The following CPT1A variants were observed in gnomAD, a reference collection of about 807,000 sequenced individuals.
CPT1A encodes carnitine palmitoyltransferase 1A, also known as carnitine O-palmitoyltransferase 1, liver isoform.
Under a neutral mutation model 100.8 loss-of-function variants are expected in CPT1A, and 64 were observed. That is an observed-to-expected ratio of 0.63 (90% CI 0.52 to 0.78). CPT1A has a LOEUF of 0.78. Ranked by LOEUF, CPT1A falls within the 30% of genes least tolerant of loss-of-function variation. The probability of loss-of-function intolerance (pLI) is 0.00; values close to 1 mark genes in which losing one functional copy is unlikely to be tolerated. For synonymous variants in CPT1A, 363 were observed against 396.0 expected (o/e 0.92, Z 0.99); for missense variants, 802 against 1,034.1 (o/e 0.78, Z 3.08).
At chr11:68,800,293 T>C (rs145043747) in intron 5 of CPT1A, among the ~76,000 whole-genome samples, 1 of 152,050 alleles carries the variant, frequency 6.6e-6, no homozygotes, top group Non-Finnish European at 1.5e-5. Flanking sequence ...CAGAGAGCAA[T>C]TGTTTAAAAA....
At chr11:68,770,187 C>G (rs568693889) in intron 14 of CPT1A, among the ~76,000 whole-genome samples, 1 of 152,224 alleles carries the variant, frequency 6.6e-6, no homozygotes, top group South Asian at 2.1e-4. Context: ...GCTCCTCGGC[C>G]TTCTTCCCAG....
At chr11:68,806,901 G>A (rs1188796735) in intron 4 of CPT1A, among the ~76,000 whole-genome samples, 7 of 152,050 alleles carry the variant, frequency 4.6e-5, no homozygotes, top group African/African-American at 1.7e-4. Context: ...CTGCACTCCA[G>A]TCTGGGCAAC....
chr11:68,829,744 G>T (rs943566210), intron 1 of CPT1A, among the ~76,000 whole-genome samples: 2 of 152,136 alleles, frequency 1.3e-5, no homozygotes, highest in African/African-American at 4.8e-5. Context: ...CTTGGGTGCT[G>T]TTCCTGAGCT....
intron 1 of CPT1A, among the ~76,000 whole-genome samples, chr11:68,830,667 G>A (rs186476262): frequency 2.9e-4 from 44 of 152,064 alleles, no homozygotes; most frequent in African/African-American, 9.4e-4. Context: ...CTGCCCCTCC[G>A]CCAGGCCCAC....
chr11:68,806,804 C>G (rs902444237), intron 4 of CPT1A, among the ~76,000 whole-genome samples: 3 of 152,076 alleles, frequency 2.0e-5, no homozygotes, highest in Non-Finnish European at 2.9e-5. Flanking sequence ...TGGTGCATGC[C>G]TGTAATCCCA....
At chr11:68,804,833 T>G (rs3019582) in intron 4 of CPT1A, among the ~76,000 whole-genome samples, 140,015 of 152,300 alleles carry the variant, frequency 0.92, 64,922 homozygotes, top group Non-Finnish European at 0.98. Flanking sequence ...GGGAAGCAGT[T>G]TCTTTCCTTC....
chr11:68,813,645 C>T (rs1039833127), intron 2 of CPT1A, among the ~76,000 whole-genome samples: 13 of 149,076 alleles, frequency 8.7e-5, no homozygotes, highest in Admixed American at 5.4e-4. Context: ...TACAGTGAGC[C>T]GTGATCGCAC....
At chr11:68,759,078 T>C (rs1222146865) in intron 18 of CPT1A, among the ~76,000 whole-genome samples, 1 of 151,978 alleles carries the variant, frequency 6.6e-6, no homozygotes, top group Non-Finnish European at 1.5e-5. Flanking sequence ...GGAGACCCTG[T>C]CTGTACAAAC....
chr11:68,812,253 A>G (rs927288742), intron 3 of CPT1A, among the ~76,000 whole-genome samples, 184 bp downstream of exon 3: 1 of 152,190 alleles, frequency 6.6e-6, no homozygotes, highest in African/African-American at 2.4e-5. Context: ...GCCGCAGGGG[A>G]CCGCAAACTC....
rs530805820 is a variant in CPT1A at position 68,807,649 on chromosome 11, A to G, written c.282-11T>C. 1.1e-4 allele frequency: 172 copies of G among 1,613,774 alleles called. 1 individual carries two copies. The South Asian group carries it at 1.7e-3, about 16-fold the overall frequency. Reference sequence around the variant, plus strand: ...CTGGACATGCAGTTGCTGTGGAGACAGACCCAGACAAGGGAGGCTGTGCGT... The same window carrying G: ...CTGGACATGCAGTTGCTGTGGAGACGGACCCAGACAAGGGAGGCTGTGCGT... On this transcript the variant is annotated splice_polypyrimidine_tract_variant and intron_variant, in intron 3 of 18. Coordinates refer to ENST00000265641, the MANE Select transcript of CPT1A (RefSeq NM_001876.4).
intron 5 of CPT1A, among the ~76,000 whole-genome samples, chr11:68,803,044 C>T (rs545253867): frequency 5.9e-5 from 9 of 152,328 alleles, no homozygotes; most frequent in South Asian, 2.1e-4. Context: ...GTCCTCAGAC[C>T]GGCTAGAAGC....
intron 8 of CPT1A, 112 bp downstream of exon 8, chr11:68,794,692 T>G (rs1855709180): frequency 1.1e-6 from 1 of 947,574 alleles, no homozygotes; most frequent in Non-Finnish European, 1.7e-6. Context: ...ATTACAGGCG[T>G]GAGACCCTGT....
At chr11:68,830,929 T>C (rs1856859689) in intron 1 of CPT1A, among the ~76,000 whole-genome samples, 1 of 152,224 alleles carries the variant, frequency 6.6e-6, no homozygotes, top group Non-Finnish European at 1.5e-5. Context: ...CATGAATCCT[T>C]GTGTCATCCG....
chr11:68,836,850 G>GGGAAGGAAGGAAGGAA (rs150561761), intron 1 of CPT1A, among the ~76,000 whole-genome samples: 191 of 150,744 alleles, frequency 1.3e-3, no homozygotes, highest in African/African-American at 4.5e-3. Flanking sequence ...AGAAAAGAAA[G>GGGAAGGAAGGAAGGAA]GGAAGGAAGG....
rs757369729 is a variant in CPT1A at position 68,760,318 on chromosome 11, T to A, written c.2049A>T (p.Arg683Ser). The A allele has an allele frequency of 1.1e-5, 18 of 1,611,650 alleles. No homozygotes were observed. Among genetic ancestry groups the A allele is most frequent in the Non-Finnish European group, 1.5e-5 (18 of 1,179,070 alleles). Residue 683 changes from arginine to serine, a missense_variant, in exon 17 of 19, where the codon AGA becomes AGT. This residue lies in a region of CPT1A where 627 missense variants were observed against 799.3 expected (regional missense o/e 0.78). Coordinates refer to ENST00000265641, the MANE Select transcript of CPT1A (RefSeq NM_001876.4). The part of the protein sequence containing the change: ...FLKEVLSEPW[R>S]LSTSQTPQQQ... ...GCTGAGGGGTCTGGCTTGTTGATAA[T>A]CTCCAAGGCTCAGATAAAACCTATT...
chr11:68,783,024 G>GGCATC (rs1430318895), intron 10 of CPT1A, among the ~76,000 whole-genome samples: 1 of 152,140 alleles, frequency 6.6e-6, no homozygotes, highest in East Asian at 1.9e-4. Context: ...CTGAGAGGAG[G>GGCATC]GCATCGGATG....
intron 14 of CPT1A, among the ~76,000 whole-genome samples, chr11:68,771,011 G>C (rs1378662264): frequency 6.6e-6 from 1 of 152,180 alleles, no homozygotes; most frequent in Non-Finnish European, 1.5e-5. Flanking sequence ...AGTTTCGCTC[G>C]CTCCTGCCAA....
intron 1 of CPT1A, among the ~76,000 whole-genome samples, chr11:68,826,630 C>T (rs1462799640): frequency 1.3e-4 from 18 of 141,844 alleles, no homozygotes; most frequent in Admixed American, 7.1e-4. Flanking sequence ...CCCAGCTACT[C>T]GGGAGGCTGA....
chr11:68,776,200 A>T (rs1256683040), intron 12 of CPT1A, among the ~76,000 whole-genome samples: 1 of 152,158 alleles, frequency 6.6e-6, no homozygotes, highest in Non-Finnish European at 1.5e-5. Flanking sequence ...GGAGTTCCAA[A>T]CCAGCTGGGC....
Sources: gnomAD v4.1 joint callset for allele counts (sites outside exome capture counted in the v4.1 genomes callset) on GRCh38, gnomAD v4.1.1 for gene constraint, gnomAD v4.1.1 regional missense constraint, MANE v1.5 for transcripts, NCBI Gene and HGNC (gene_info 2026-07-23, HGNC 2026-07-21) for gene names.